Variants in ADGRG1 observed in about 807,000 individuals in gnomAD.
ADGRG1 encodes the protein 7-transmembrane protein with no EGF-like N-terminal domains-1.
Under a neutral mutation model 73.5 loss-of-function variants are expected in ADGRG1, and 53 were observed. That is an observed-to-expected ratio of 0.72 (90% CI 0.58 to 0.91). The LOEUF is 0.91. ADGRG1 is among the 40% of genes least tolerant of loss of function. The pLI is 0.00. For missense variants in ADGRG1, 795 were observed against 871.8 expected (o/e 0.91, Z 1.11); for synonymous variants, 394 against 374.4 (o/e 1.05, Z -0.60).
chr16:57,649,136 G>A (rs1306022868), intron 1 of ADGRG1, among the ~76,000 whole-genome samples: 1 of 152,208 alleles, frequency 6.6e-6, no homozygotes, highest in Non-Finnish European at 1.5e-5. Context: ...CTTGTCCCCA[G>A]CAGAAACCGT....
chr16:57,644,406 A>G (rs539053729), intron 1 of ADGRG1, among the ~76,000 whole-genome samples: 23 of 147,980 alleles, frequency 1.6e-4, no homozygotes, highest in Non-Finnish European at 8.9e-5. Context: ...ACACTAATGC[A>G]TGGGCACACA....
chr16:57,628,078 G>A (rs986594441), upstream of ADGRG1: 9 of 985,234 alleles, frequency 9.1e-6, no homozygotes, highest in Admixed American at 3.7e-4. Context: ...CCGGGGGGAC[G>A]CAGGTCAGCC....
At chr16:57,637,372 G>A in intron 1 of ADGRG1, 1 of 984,922 alleles carries the variant, frequency 1.0e-6, no homozygotes, top group South Asian at 4.7e-5. Flanking sequence ...GACTATGGGT[G>A]GGGCTGGGGA....
chr16:57,629,060 G>A (rs1019156863), intron 1 of ADGRG1: 17 of 530,592 alleles, frequency 3.2e-5, no homozygotes, highest in Non-Finnish European at 4.1e-5. Flanking sequence ...GTGTGAGTAT[G>A]AGTGTGAGTG....
intron 1 of ADGRG1, chr16:57,642,346 C>G (rs2041052819): frequency 1.0e-6 from 1 of 985,182 alleles, no homozygotes; most frequent in Admixed American, 6.2e-5. Flanking sequence ...GATGAGTGGC[C>G]CTGGGGAATG....
At chr16:57,630,832 C>T (rs2037646026) in intron 1 of ADGRG1, 2 of 457,806 alleles carry the variant, frequency 4.4e-6, no homozygotes, top group African/African-American at 2.1e-5. Context: ...AGGGGGAGTC[C>T]TAGTGGAGGA....
upstream of ADGRG1, chr16:57,628,101 G>A (rs2036224783): frequency 2.1e-5 from 21 of 983,560 alleles, no homozygotes; most frequent in South Asian, 4.7e-5. Flanking sequence ...TCAGTCGTGC[G>A]TGGCCTGGCT....
rs1188999306 is a variant in ADGRG1, at chr16:57,665,356, A to G, written c.*1774A>G. The G allele has an allele frequency of 6.6e-6, 1 of 152,226 alleles. No homozygotes were observed. Among genetic ancestry groups the G allele is most frequent in the Non-Finnish European group, 1.5e-5 (1 of 68,048 alleles). 9.4% of individuals were successfully genotyped at this position (152,226 alleles called of 1,614,324 possible). A position where few individuals can be genotyped will look rare whatever the true frequency, so the allele number is the denominator to read the frequency against. ...CACTACCTTGCAGGGATGAGGGCCC[A>G]TGTAGCCAGACCACCTGCCTTTTAT... On this transcript the variant is annotated 3_prime_UTR_variant, in exon 14 of 14. Coordinates refer to ENST00000562631, the MANE Select transcript of ADGRG1 (RefSeq NM_201525.4).
upstream of ADGRG1, chr16:57,623,291 C>T (rs899432989): frequency 5.3e-6 from 5 of 948,126 alleles, no homozygotes; most frequent in East Asian, 2.3e-4. Context: ...CGCAGGAGCC[C>T]GACTGGCATC....
chr16:57,629,903 AG>A (rs2037271763), intron 1 of ADGRG1: 5 of 544,868 alleles, frequency 9.2e-6, no homozygotes, highest in Non-Finnish European at 1.2e-5. Context: ...CCACTGGGAG[AG>A]GTCTGATGTT....
At chr16:57,633,956 C>A in intron 1 of ADGRG1, 2 of 400,730 alleles carry the variant, frequency 5.0e-6, no homozygotes, top group Non-Finnish European at 3.4e-6. Context: ...GACCTGAGAC[C>A]TGACCCAGGT....
chr16:57,634,508 TG>T, intron 1 of ADGRG1: 1 of 974,162 alleles, frequency 1.0e-6, no homozygotes, highest in Non-Finnish European at 1.2e-6. Flanking sequence ...TGAGTGCTGC[TG>T]GCCCTCTAAG....
At position 57,655,946 on chromosome 16, in the gene ADGRG1, A is replaced by C. The variant is rs763833865; in HGVS notation, c.971A>C (p.Asn324Thr). Residue 324 changes from asparagine to threonine, a missense_variant, in exon 7 of 14, where the codon AAC becomes ACC. By Grantham distance (65) the Asn-to-Thr change is moderately conservative (BLOSUM62 0). Coordinates refer to ENST00000562631, the MANE Select transcript of ADGRG1 (RefSeq NM_201525.4). ...GIVVQNTKVA[N>T]LTEPVVLTFQ... ...GTGGTACAGAACACCAAAGTAGCCA[A>C]CCTCACGGAGCCCGTGGTGCTCACT... is the stretch of plus-strand genomic sequence containing the variant. The C allele has an allele frequency of 6.2e-7, 1 of 1,614,086 alleles. No individual in the cohort carries two copies. Among genetic ancestry groups the C allele is most frequent in the South Asian group, 1.1e-5 (1 of 91,076 alleles).
chr16:57,663,508 T>A lies in ADGRG1; in HGVS notation c.1990T>A (p.Ser664Thr). ...SMRLQARGGP[S>T]PLKSNSDSAR... ...GCGGCTGCAGGCCCGGGGTGGCCCC[T>A]CCCCTCTGAAGAGCAACTCAGACAG... The change falls in exon 14 of 14, where the codon TCC becomes ACC. Residue 664 changes from serine to threonine, a missense_variant. Ser to Thr is a moderately conservative substitution (Grantham distance 58). Transcript: ENST00000562631. The A allele has an allele frequency of 1.9e-6, 3 of 1,613,734 alleles. No homozygotes were observed. Among genetic ancestry groups the A allele is most frequent in the Middle Eastern group, 1.6e-4 (1 of 6,062 alleles).
chr16:57,650,099 C>T (rs2043671701), intron 1 of ADGRG1, 154 bp from the exon 2 acceptor site: 1 of 981,686 alleles, frequency 1.0e-6, no homozygotes, highest in African/African-American at 1.7e-5. Context: ...TGGGGAGCGG[C>T]CTCTGGCCGC....
chr16:57,632,764 C>T lies in ADGRG1; in HGVS notation c.-36+3962C>T, dbSNP rs2038331194. ...GTTCCAGGCAGAGATAAAAGCTCAGCCCCGGAGGAGCTGGCATGCTTCCGG... is the reference window on the plus strand; with the variant it reads ...GTTCCAGGCAGAGATAAAAGCTCAGTCCCGGAGGAGCTGGCATGCTTCCGG... On this transcript the variant is annotated intron_variant, in intron 1 of 13. Transcript: ENST00000562631. The T allele has an allele frequency of 5.1e-6, 5 of 984,476 alleles. No homozygotes were observed. In the South Asian group the frequency reaches 1.9e-4, roughly 37 times the overall value. 61.0% of individuals were successfully genotyped at this position (984,476 alleles called of 1,614,324 possible). A position where few individuals can be genotyped will look rare whatever the true frequency, so the allele number is the denominator to read the frequency against.
chr16:57,647,056 G>C (rs1597392895), intron 1 of ADGRG1: 1 of 964,634 alleles, frequency 1.0e-6, no homozygotes, highest in East Asian at 1.2e-4. Flanking sequence ...CTACATCCCT[G>C]GCGCCTGGGT....
intron 13 of ADGRG1, 31 bp downstream of exon 13, chr16:57,661,996 C>A (rs767521446): frequency 2.1e-5 from 32 of 1,560,192 alleles, no homozygotes; most frequent in South Asian, 1.3e-4. Flanking sequence ...TTGGCCCAGG[C>A]AGGGTGTCTA....
At chr16:57,645,479 G>C (rs1053466647) in intron 1 of ADGRG1, 17 of 282,998 alleles carry the variant, frequency 6.0e-5, no homozygotes, top group African/African-American at 3.7e-4. Context: ...TGATGGGTCT[G>C]CGTCACAGGG....
Sources: allele counts gnomAD v4.1 joint callset (sites outside exome capture counted in the v4.1 genomes callset), GRCh38; gene constraint gnomAD v4.1.1; transcripts MANE v1.5; gene names NCBI Gene and HGNC (gene_info 2026-07-23, HGNC 2026-07-21).